The following DLG1 variants were observed in gnomAD, a reference collection of about 807,000 sequenced individuals.
The protein encoded by DLG1 is disks large homolog 1.
In DLG1, 42 loss-of-function variants were observed where a neutral mutation model predicts 123.4. The ratio of observed to expected loss-of-function variants is 0.34; its 90% CI spans 0.27 to 0.44. DLG1 has a LOEUF of 0.44. Ranked by LOEUF, DLG1 falls within the 20% of genes least tolerant of loss-of-function variation. DLG1 has a pLI of 1.00. For synonymous variants in DLG1, 317 were observed against 356.2 expected, an observed-to-expected ratio of 0.89 and a Z score of 1.24; for missense variants, 942 against 1,082.6, an observed-to-expected ratio of 0.87 and a Z score of 1.82.
chr3:197,127,195 G>A (rs1337552384), intron 11 of DLG1, among the ~76,000 whole-genome samples: 1 of 151,504 alleles, frequency 6.6e-6, no homozygotes, highest in Admixed American at 6.6e-5. Flanking sequence ...GGCCGAGGCA[G>A]GTGGATCACC....
At chr3:197,201,398 C>A (rs1215144193) in intron 4 of DLG1, among the ~76,000 whole-genome samples, 1 of 151,902 alleles carries the variant, frequency 6.6e-6, no homozygotes, top group Non-Finnish European at 1.5e-5. Flanking sequence ...AACAAACAAA[C>A]AAAAAACAAA....
At chr3:197,259,096 A>G (rs1250323911) in intron 4 of DLG1, among the ~76,000 whole-genome samples, 2 of 152,198 alleles carry the variant, frequency 1.3e-5, no homozygotes, top group East Asian at 1.9e-4. Context: ...TGGAAATAAA[A>G]CCAAAATGAA....
intron 6 of DLG1, among the ~76,000 whole-genome samples, chr3:197,147,714 A>G (rs1791629526): frequency 6.6e-6 from 1 of 152,014 alleles, no homozygotes; most frequent in South Asian, 2.1e-4. Context: ...CATACTGGGT[A>G]CAGTATACAC....
intron 6 of DLG1, among the ~76,000 whole-genome samples, chr3:197,148,432 AG>A (rs936724164): frequency 1.3e-5 from 2 of 148,708 alleles, no homozygotes; most frequent in South Asian, 2.1e-4. Context: ...AAAAAAAAAA[AG>A]AGAGAGAATA....
intron 5 of DLG1, among the ~76,000 whole-genome samples, chr3:197,159,323 T>C (rs1797832366): frequency 6.6e-6 from 1 of 152,214 alleles, no homozygotes; most frequent in South Asian, 2.1e-4. Flanking sequence ...GTTCTACAAA[T>C]CATGAAAGAC....
At chr3:197,241,928 G>A (rs1749097360) in intron 4 of DLG1, among the ~76,000 whole-genome samples, 1 of 151,920 alleles carries the variant, frequency 6.6e-6, no homozygotes, top group Non-Finnish European at 1.5e-5. Context: ...GAAACAATCA[G>A]AAAACAAGCA....
At chr3:197,196,923 T>C (rs970592611) in intron 4 of DLG1, among the ~76,000 whole-genome samples, 1 of 152,214 alleles carries the variant, frequency 6.6e-6, no homozygotes, top group Non-Finnish European at 1.5e-5. Flanking sequence ...TGTATCATTA[T>C]ATATGTGTAT....
chr3:197,167,543 G>GTA (rs1310177790), intron 5 of DLG1, among the ~76,000 whole-genome samples: 2 of 152,098 alleles, frequency 1.3e-5, no homozygotes, highest in Non-Finnish European at 2.9e-5. Context: ...TCTACCAAAG[G>GTA]TATATAACTT....
At chr3:197,290,311 G>A (rs530215537) in intron 3 of DLG1, among the ~76,000 whole-genome samples, 3 of 152,140 alleles carry the variant, frequency 2.0e-5, no homozygotes, top group African/African-American at 4.8e-5. Context: ...ATTATAAACC[G>A]GTTCAAGAAT....
intron 4 of DLG1, chr3:197,226,452 T>A (rs953288035): frequency 6.6e-6 from 1 of 152,190 alleles, no homozygotes; most frequent in African/African-American, 2.4e-5. Context: ...CACGGTTCAA[T>A]AAGAGATGAG....
intron 24 of DLG1, 114 bp from the exon 25 acceptor site, chr3:197,044,843 G>GA (rs1006685084): frequency 7.3e-6 from 4 of 549,224 alleles, no homozygotes; most frequent in African/African-American, 3.9e-5. Context: ...CATCCAGGAA[G>GA]AATCACCATT....
At chr3:197,124,895 C>T (rs112851393) in intron 11 of DLG1, among the ~76,000 whole-genome samples, 10 of 151,938 alleles carry the variant, frequency 6.6e-5, no homozygotes, top group African/African-American at 1.5e-4. Flanking sequence ...TAAACATGTT[C>T]GTGTGCTGAT....
At chr3:197,143,312 GT>G (rs1436511736) in intron 6 of DLG1, among the ~76,000 whole-genome samples, 5 of 10,314 alleles carry the variant, frequency 4.8e-4, no homozygotes, top group Middle Eastern at 0.11. Flanking sequence ...GAGTGCAGTG[GT>G]GGCGTGATCT....
rs868838630 is a variant in DLG1 at position 197,148,577 on chromosome 3, C to A, written c.537+1166G>T. On this transcript the variant is annotated intron_variant, in intron 6 of 24. Coordinates refer to ENST00000667157, the MANE Select transcript of DLG1 (RefSeq NM_001366207.1). The stretch of plus-strand genomic sequence containing the variant: ...TTTCTATATGGTTGCCAAGACCATT[C>A]AATGCGGAAAGAATAGTCTTTTCAA... Among the ~76,000 whole-genome samples the A allele has an allele frequency of 3.3e-5, 5 of 152,196 alleles. 1 individual carries two copies. The Middle Eastern group carries it at 0.01, about 311-fold the overall frequency.
chr3:197,222,266 T>C (rs1174003148), intron 4 of DLG1, among the ~76,000 whole-genome samples: 1 of 152,092 alleles, frequency 6.6e-6, no homozygotes, highest in Non-Finnish European at 1.5e-5. Flanking sequence ...TAAACCACAC[T>C]CCTTTCCCCT....
intron 4 of DLG1, among the ~76,000 whole-genome samples, chr3:197,271,077 T>C (rs1257177028): frequency 6.6e-6 from 1 of 152,164 alleles, no homozygotes; most frequent in Non-Finnish European, 1.5e-5. Context: ...CCAGATTTGG[T>C]ATGTGTATTC....
Position 197,167,648 on chromosome 3 carries a change from C to G in DLG1, c.484-17852G>C, listed in dbSNP as rs150576709. ...TCAAAAGTGTCAAAGTCATGAAAGT[C>G]TAACGTTATTTTTAATTCAATTTTA... is the stretch of plus-strand genomic sequence containing the variant. On this transcript the variant is annotated intron_variant, in intron 5 of 24. Coordinates refer to ENST00000667157, the MANE Select transcript of DLG1 (RefSeq NM_001366207.1). Among the ~76,000 whole-genome samples the G allele has an allele frequency of 4.2e-3, 641 of 152,284 alleles. 3 individuals carry two copies. The highest frequency in any genetic ancestry group is 5.7e-3 in the Non-Finnish European group (387 of 68,018).
intron 3 of DLG1, among the ~76,000 whole-genome samples, chr3:197,291,954 G>A (rs1775146299): frequency 6.6e-6 from 1 of 152,140 alleles, no homozygotes; most frequent in African/African-American, 2.4e-5. Flanking sequence ...ATCAAAAAAA[G>A]AAAGGAAAAA....
intron 17 of DLG1, among the ~76,000 whole-genome samples, chr3:197,077,556 C>A (rs1233662652): frequency 6.6e-6 from 1 of 152,138 alleles, no homozygotes; most frequent in Non-Finnish European, 1.5e-5. Context: ...GCACCACGTC[C>A]TTCATAGGGA....
Sources: allele counts gnomAD v4.1 joint callset (sites outside exome capture counted in the v4.1 genomes callset), GRCh38; gene constraint gnomAD v4.1.1; transcripts MANE v1.5; gene names NCBI Gene and HGNC (gene_info 2026-07-23, HGNC 2026-07-21).